MICU1: variants seen among roughly 807,000 people sequenced by gnomAD.
MICU1 encodes mitochondrial calcium uptake 1.
MICU1 carries 45 observed loss-of-function variants against 56.8 expected under a neutral mutation model. That is an observed-to-expected ratio of 0.79 (90% CI 0.62 to 1.02). The LOEUF is 1.02. Among genes scored for constraint, MICU1 ranks in the 50% least tolerant of loss-of-function variants. The probability of loss-of-function intolerance (pLI) is 0.00; values close to 1 mark genes in which losing one functional copy is unlikely to be tolerated. For synonymous variants in MICU1, 186 were observed against 195.1 expected, an observed-to-expected ratio of 0.95 and a Z score of 0.39; for missense variants, 504 against 587.1, an observed-to-expected ratio of 0.86 and a Z score of 1.46.
intron 1 of MICU1, among the ~76,000 whole-genome samples, chr10:72,616,789 G>A (rs570879607): frequency 3.9e-5 from 6 of 152,172 alleles, no homozygotes; most frequent in African/African-American, 4.8e-5. Context: ...TACTTGAGAC[G>A]GATCCTCTGT....
At chr10:72,540,252 A>G (rs1367783817) in intron 4 of MICU1, among the ~76,000 whole-genome samples, 5 of 140,980 alleles carry the variant, frequency 3.5e-5, no homozygotes, top group Admixed American at 7.4e-5. Context: ...GGGCAACCAG[A>G]GTGAAACTCC....
intron 8 of MICU1, among the ~76,000 whole-genome samples, chr10:72,459,939 T>C (rs1233636019): frequency 3.3e-5 from 5 of 152,230 alleles, no homozygotes. Flanking sequence ...AAACTGCCAA[T>C]TGCCAAATCG....
intron 6 of MICU1, chr10:72,483,261 C>A (rs1866362155): frequency 6.6e-6 from 1 of 152,432 alleles, no homozygotes; most frequent in Non-Finnish European, 1.5e-5. Context: ...TTCCAGGAGA[C>A]CCCAGCTGGG....
At chr10:72,406,963 G>C (rs772072505) in intron 10 of MICU1, among the ~76,000 whole-genome samples, 5 of 152,078 alleles carry the variant, frequency 3.3e-5, no homozygotes, top group Non-Finnish European at 7.4e-5. Context: ...TCATAAAAAA[G>C]GATTAAACTA....
chr10:72,477,283 A>G, intron 6 of MICU1, 27 bp from the exon 7 acceptor site: 1 of 1,498,724 alleles, frequency 6.7e-7, no homozygotes, highest in Non-Finnish European at 9.0e-7. Context: ...AAAAATATTT[A>G]GAAGGCATTG....
At chr10:72,552,491 C>T (rs1423998772) in intron 3 of MICU1, among the ~76,000 whole-genome samples, 2 of 152,088 alleles carry the variant, frequency 1.3e-5, no homozygotes, top group Non-Finnish European at 2.9e-5. Flanking sequence ...CTCATCAGTT[C>T]CATGTCCATA....
intron 8 of MICU1, among the ~76,000 whole-genome samples, chr10:72,465,684 T>C (rs1156864109): frequency 6.6e-6 from 1 of 151,870 alleles, no homozygotes; most frequent in Non-Finnish European, 1.5e-5. Flanking sequence ...TGGCTAATTT[T>C]TGTATTCTTA....
chr10:72,438,982 T>G (rs1864827836), intron 8 of MICU1, among the ~76,000 whole-genome samples: 1 of 151,350 alleles, frequency 6.6e-6, no homozygotes, highest in South Asian at 2.1e-4. Flanking sequence ...CAAAAAGGAG[T>G]TGGTACCATT....
intron 8 of MICU1, among the ~76,000 whole-genome samples, chr10:72,465,627 T>C (rs1865773352): frequency 1.3e-5 from 2 of 149,266 alleles, no homozygotes; most frequent in Non-Finnish European, 3.0e-5. Flanking sequence ...GATTCTCCTG[T>C]CTCAGCCTCC....
intron 10 of MICU1, among the ~76,000 whole-genome samples, chr10:72,378,109 T>C (rs1052974960): frequency 2.0e-5 from 3 of 151,976 alleles, no homozygotes; most frequent in Non-Finnish European, 4.4e-5. Flanking sequence ...AAAAATTAGC[T>C]GGGCGTGGTG....
chr10:72,551,244 G>C lies in MICU1; in HGVS notation c.428C>G (p.Ala143Gly). 2.5e-6 allele frequency: 4 copies of C among 1,613,078 alleles called. No homozygotes were observed. The highest frequency in any genetic ancestry group is 3.4e-6 in the Non-Finnish European group (4 of 1,179,440). The change falls in exon 4 of 12, where the codon GCA (alanine) becomes GGA (glycine). Residue 143 changes from alanine to glycine, a missense_variant. Physicochemically the swap from Ala to Gly is moderately conservative, Grantham distance 60. Coordinates refer to ENST00000361114, the MANE Select transcript of MICU1 (RefSeq NM_001195518.2). Reference protein sequence around the residue: ...TLKVISEPGEAEVFMTPEDFV... With the variant: ...TLKVISEPGEGEVFMTPEDFV... The stretch of plus-strand genomic sequence containing the variant: ...ATCTTCTGGTGTCATAAACACTTCT[G>C]CTTCACCAGGCTCACTGATGACTTT...
intron 1 of MICU1, among the ~76,000 whole-genome samples, chr10:72,573,158 G>A (rs1840651582): frequency 1.3e-5 from 2 of 151,712 alleles, no homozygotes; most frequent in East Asian, 3.9e-4. Flanking sequence ...CATGAAAAAA[G>A]TTCATAGTGT....
At chr10:72,622,600 G>T (rs1241789774) in intron 1 of MICU1, among the ~76,000 whole-genome samples, 3 of 152,142 alleles carry the variant, frequency 2.0e-5, no homozygotes, top group Non-Finnish European at 4.4e-5. Context: ...GCCTAGTGCT[G>T]GTATTACAAT....
chr10:72,558,304 C>CA (rs1244150800), intron 3 of MICU1, among the ~76,000 whole-genome samples: 2 of 151,778 alleles, frequency 1.3e-5, no homozygotes, highest in Non-Finnish European at 2.9e-5. Flanking sequence ...ATAACCAGTT[C>CA]AAAAAACAAA....
intron 5 of MICU1, among the ~76,000 whole-genome samples, chr10:72,525,896 C>T (rs1342087026): frequency 6.6e-6 from 1 of 152,138 alleles, no homozygotes; most frequent in Non-Finnish European, 1.5e-5. Context: ...TATCCAAAGT[C>T]CACACTCTTC....
chr10:72,435,385 CAAAAAAAAAA>C (rs34955776), intron 8 of MICU1, among the ~76,000 whole-genome samples: 7 of 48,080 alleles, frequency 1.5e-4, no homozygotes, highest in East Asian at 4.1e-4. Flanking sequence ...GACCCTGTTA[CAAAAAAAAAA>C]AAAAAAAAAA....
intron 1 of MICU1, among the ~76,000 whole-genome samples, chr10:72,594,546 T>C (rs887395501): frequency 2.0e-5 from 3 of 151,720 alleles, no homozygotes; most frequent in Non-Finnish European, 2.9e-5. Context: ...AAGAAAAAAA[T>C]AGACAAATTA....
At chr10:72,372,946 G>C (rs753918829) in intron 11 of MICU1, among the ~76,000 whole-genome samples, 1 of 151,202 alleles carries the variant, frequency 6.6e-6, no homozygotes, top group South Asian at 2.1e-4. Flanking sequence ...AGAAAAAGAA[G>C]CTTGAAAATG....
rs1270536995 is a variant in MICU1, at chr10:72,517,717, C to T, written c.538-9448G>A. Reference sequence around the variant, plus strand: ...GGGTGCACCAAAATCTCACAAATCACCACTAAAGAACTTACTCATGGAACC... The same window carrying T: ...GGGTGCACCAAAATCTCACAAATCATCACTAAAGAACTTACTCATGGAACC... On this transcript the variant is annotated intron_variant, in intron 5 of 11. Transcript: ENST00000361114. Among the ~76,000 whole-genome samples the T allele has an allele frequency of 2.0e-5, 3 of 151,826 alleles. No homozygotes were observed. In the East Asian group the frequency reaches 5.8e-4, roughly 29 times the overall value.
Sources: allele counts gnomAD v4.1 joint callset (sites outside exome capture counted in the v4.1 genomes callset), GRCh38; gene constraint gnomAD v4.1.1; transcripts MANE v1.5; gene names NCBI Gene and HGNC (gene_info 2026-07-23, HGNC 2026-07-21).